The following VPS50 variants were observed in gnomAD, a reference collection of about 807,000 sequenced individuals.
The protein encoded by VPS50 is syndetin.
A neutral mutation model predicts 139.7 loss-of-function variants in VPS50; 70 were observed. The ratio of observed to expected loss-of-function variants is 0.50; its 90% CI spans 0.41 to 0.61. VPS50 has a LOEUF of 0.61. VPS50 is among the 20% of genes least tolerant of loss of function. The pLI is 0.00. For missense variants in VPS50, 921 were observed against 1,133.7 expected (o/e 0.81, Z 2.69); for synonymous variants, 365 against 376.7 (o/e 0.97, Z 0.36).
chr7:93,296,839 A>T lies in VPS50; in HGVS notation c.1262+3A>T. 6.3e-7 allele frequency: 1 copy of T among 1,593,102 alleles called. No individual in the cohort carries two copies. The highest frequency in any genetic ancestry group is 8.5e-7 in the Non-Finnish European group (1 of 1,174,374). On this transcript the variant is annotated splice_donor_region_variant and intron_variant, in intron 15 of 27. Transcript: ENST00000305866. ...TTTGTTTTGGATATAATCAGCAGGT[A>T]GTATTTAAGATCTTGTCTTATTCTT...
At position 93,338,048 on chromosome 7, in the gene VPS50, T is replaced by C. The variant is rs558890705; in HGVS notation, c.2059-3379T>C. On this transcript the variant is annotated intron_variant, in intron 22 of 27. Coordinates refer to ENST00000305866, the MANE Select transcript of VPS50 (RefSeq NM_017667.4). Reference sequence around the variant, plus strand: ...TTCTACCAGTTCCTTTATTCATTTTTCATGTTTCAGAGTTTTAGGTCTCCT... The same window carrying C: ...TTCTACCAGTTCCTTTATTCATTTTCCATGTTTCAGAGTTTTAGGTCTCCT... Among the ~76,000 whole-genome samples the C allele has an allele frequency of 3.9e-5, 6 of 152,284 alleles. No homozygotes were observed. In the South Asian group the frequency reaches 1.2e-3, roughly 32 times the overall value.
At chr7:93,309,495 A>T (rs1797205618) in intron 19 of VPS50, among the ~76,000 whole-genome samples, 1 of 151,962 alleles carries the variant, frequency 6.6e-6, no homozygotes, top group African/African-American at 2.4e-5. Context: ...TATAAAATCA[A>T]TCCTGCCTTT....
At chr7:93,348,683 TAC>T (rs1038351593) in intron 23 of VPS50, 26 bp from the exon 24 acceptor site, 1 of 1,415,276 alleles carries the variant, frequency 7.1e-7, no homozygotes, top group Admixed American at 1.7e-5. Flanking sequence ...ACAATTTGTT[TAC>T]ACAGTGGGTT....
intron 22 of VPS50, 51 bp from the exon 23 acceptor site, chr7:93,341,371 GTGGTT>G: frequency 8.4e-7 from 1 of 1,189,956 alleles, no homozygotes; most frequent in Non-Finnish European, 1.2e-6. Context: ...TCAAAATCAC[GTGGTT>G]TATTACTGTT....
chr7:93,308,259 A>ACAC (rs1165858767), intron 18 of VPS50, among the ~76,000 whole-genome samples: 10 of 151,738 alleles, frequency 6.6e-5, no homozygotes, highest in Non-Finnish European at 1.0e-4. Context: ...TGTTAGGAAG[A>ACAC]CACCCTTTGT....
chr7:93,308,718 T>C (rs1797184102), intron 18 of VPS50, 106 bp from the exon 19 acceptor site: 1 of 484,052 alleles, frequency 2.1e-6, no homozygotes, highest in Non-Finnish European at 3.8e-6. Context: ...AAGAATTTTC[T>C]TGTATTTAGC....
At position 93,253,896 on chromosome 7, in the gene VPS50, G is replaced by A. The variant is rs758459744; in HGVS notation, c.262G>A (p.Ala88Thr). Residue 88 changes from alanine to threonine, a missense_variant, in exon 4 of 28, where the codon GCG becomes ACG. Physicochemically the swap from Ala to Thr is moderately conservative, Grantham distance 58. Around this residue, in one of 3 missense-constraint regions of VPS50, gnomAD observed 744 missense variants for 930.6 expected, o/e 0.80. Transcript: ENST00000305866. ...PPVLNLQELE[A>T]YRDKLKQQQA... is the part of the protein sequence containing the mutation. Reference sequence around the variant, plus strand: ...TGTTCTCAATTTGCAAGAATTAGAGGCGTATAGAGACAAATTGAAACAACA... The same window carrying A: ...TGTTCTCAATTTGCAAGAATTAGAGACGTATAGAGACAAATTGAAACAACA... 2.5e-6 allele frequency: 4 copies of A among 1,602,732 alleles called. No homozygotes were observed. The South Asian group carries it at 3.4e-5, about 13-fold the overall frequency.
At chr7:93,268,665 T>C (rs1295704605) in intron 9 of VPS50, among the ~76,000 whole-genome samples, 1 of 152,150 alleles carries the variant, frequency 6.6e-6, no homozygotes, top group Non-Finnish European at 1.5e-5. Context: ...TCTCATTCCT[T>C]TTTATGACTG....
chr7:93,349,491 T>A (rs1222433954), intron 24 of VPS50, among the ~76,000 whole-genome samples: 1 of 152,068 alleles, frequency 6.6e-6, no homozygotes, highest in Non-Finnish European at 1.5e-5. Context: ...CTGTAGACAG[T>A]CCTAGAGACA....
At chr7:93,281,598 CTT>C (rs1367058518) in intron 12 of VPS50, among the ~76,000 whole-genome samples, 16 of 152,118 alleles carry the variant, frequency 1.1e-4, no homozygotes, top group African/African-American at 3.9e-4. Context: ...TGTTTTCCGA[CTT>C]CTTAAACTGG....
chr7:93,267,473 C>G (rs1795874789), intron 9 of VPS50, among the ~76,000 whole-genome samples: 1 of 152,042 alleles, frequency 6.6e-6, no homozygotes, highest in African/African-American at 2.4e-5. Context: ...ATTTTTCTTT[C>G]AATTACAAAT....
At chr7:93,290,359 C>T (rs962316094) in intron 12 of VPS50, among the ~76,000 whole-genome samples, 8 of 150,966 alleles carry the variant, frequency 5.3e-5, no homozygotes, top group African/African-American at 1.9e-4. Flanking sequence ...ATTGAATTAG[C>T]AGGTGTTCTC....
chr7:93,323,529 TA>T (rs1376463581), intron 20 of VPS50, 81 bp from the exon 21 acceptor site: 5 of 433,250 alleles, frequency 1.2e-5, no homozygotes, highest in African/African-American at 8.2e-5. Context: ...TTTAGTATAA[TA>T]ATTTTATTTT....
rs1427018329 is a variant in VPS50, at chr7:93,326,463, AT to A, written c.1977+2732del. Among the ~76,000 whole-genome samples the A allele has an allele frequency of 1.0e-3, 152 of 149,876 alleles. 1 individual carries two copies. The highest frequency in any genetic ancestry group is 2.1e-3 in the African/African-American group (85 of 40,576). ...AAAGTATAATAATAATAAAAAAAAA[AT>A]AAAATAAAATAAAATAATACAGTAT... On this transcript the variant is annotated intron_variant, in intron 21 of 27. Transcript: ENST00000305866.
chr7:93,334,738 T>A (rs566305172), intron 22 of VPS50, among the ~76,000 whole-genome samples: 172 of 152,318 alleles, frequency 1.1e-3, no homozygotes, highest in African/African-American at 3.9e-3. Flanking sequence ...TCTTGACTGT[T>A]GTCACAGGAT....
intron 2 of VPS50, among the ~76,000 whole-genome samples, chr7:93,251,365 G>T (rs1795321858): frequency 6.6e-6 from 1 of 152,158 alleles, no homozygotes; most frequent in South Asian, 2.1e-4. Flanking sequence ...ATGAGTTCAT[G>T]TCCTTTGCAA....
At chr7:93,350,110 A>C in intron 25 of VPS50, 77 bp downstream of exon 25, 1 of 969,350 alleles carries the variant, frequency 1.0e-6, no homozygotes, top group Admixed American at 2.2e-5. Flanking sequence ...TGGCTCTAAA[A>C]TAGTAAGATT....
chr7:93,292,924 C>T (rs1164643043), intron 13 of VPS50, among the ~76,000 whole-genome samples: 1 of 152,134 alleles, frequency 6.6e-6, no homozygotes, highest in Non-Finnish European at 1.5e-5. Flanking sequence ...AAAACTTATA[C>T]TTTTACCCTG....
intron 19 of VPS50, among the ~76,000 whole-genome samples, chr7:93,310,465 G>GT (rs1797235368): frequency 2.6e-5 from 4 of 151,076 alleles, no homozygotes; most frequent in African/African-American, 9.8e-5. Flanking sequence ...TAAATTTAGG[G>GT]GTTTTTTTTT....
Sources: allele counts gnomAD v4.1 joint callset (sites outside exome capture counted in the v4.1 genomes callset), GRCh38; gene constraint gnomAD v4.1.1; regional missense constraint gnomAD v4.1.1; transcripts MANE v1.5; gene names NCBI Gene and HGNC (gene_info 2026-07-23, HGNC 2026-07-21).